CREB5: variants seen among roughly 807,000 people sequenced by gnomAD.
CREB5 encodes cyclic AMP-responsive element-binding protein 5.
In CREB5, 19 loss-of-function variants were observed where a neutral mutation model predicts 57.1. The ratio of observed to expected loss-of-function variants is 0.33; its 90% CI spans 0.23 to 0.49. The LOEUF (loss-of-function observed/expected upper bound fraction) is 0.49, where lower values mean the gene tolerates loss of function less well. CREB5 is among the 20% of genes least tolerant of loss of function. The pLI is 0.99. For missense variants in CREB5, 579 were observed against 671.6 expected (o/e 0.86, Z 1.52); for synonymous variants, 238 against 238.3 (o/e 1.00, Z 0.01).
At chr7:28,349,161 G>C (rs988268580) in intron 1 of CREB5, among the ~76,000 whole-genome samples, 1 of 152,138 alleles carries the variant, frequency 6.6e-6, no homozygotes, top group Non-Finnish European at 1.5e-5. Context: ...GGGTGGAGAG[G>C]AACGGTTTGA....
rs1483252159 is a variant in CREB5, at chr7:28,452,893, G to A, written c.4-35282G>A. ...ATCAAGGAGGGGTGGGACCAATGGG[G>A]AAAGCAGTACAGTGTTTCAGTATGC... On this transcript the variant is annotated intron_variant, in intron 1 of 10. Coordinates refer to ENST00000357727, the MANE Select transcript of CREB5 (RefSeq NM_182898.4). Among the ~76,000 whole-genome samples the A allele has an allele frequency of 2.6e-5, 4 of 152,330 alleles. No individual in the cohort carries two copies. The East Asian group carries it at 7.7e-4, about 29-fold the overall frequency.
intron 5 of CREB5, among the ~76,000 whole-genome samples, chr7:28,628,424 C>T (rs965189679): frequency 1.2e-4 from 18 of 152,284 alleles, no homozygotes; most frequent in African/African-American, 4.1e-4. Flanking sequence ...TAGCATCTGT[C>T]AGTCTACTTT....
At chr7:28,652,534 G>A (rs530207024) in intron 5 of CREB5, among the ~76,000 whole-genome samples, 2 of 152,284 alleles carry the variant, frequency 1.3e-5, no homozygotes, top group Admixed American at 6.5e-5. Flanking sequence ...GCCAGAGTGG[G>A]TCTGAATTCT....
chr7:28,739,277 G>A (rs1056997511), intron 7 of CREB5, among the ~76,000 whole-genome samples: 2 of 152,122 alleles, frequency 1.3e-5, no homozygotes, highest in Non-Finnish European at 2.9e-5. Context: ...CATTTCAAGC[G>A]CTCAATAACT....
chr7:28,772,590 CAAAGG>C (rs1348182068), intron 7 of CREB5, among the ~76,000 whole-genome samples: 2 of 152,128 alleles, frequency 1.3e-5, no homozygotes, highest in Non-Finnish European at 2.9e-5. Context: ...ACTGTTGTAA[CAAAGG>C]AAACACAGGA....
chr7:28,642,505 G>A (rs1428046537), intron 5 of CREB5, among the ~76,000 whole-genome samples: 3 of 152,164 alleles, frequency 2.0e-5, no homozygotes, highest in Non-Finnish European at 2.9e-5. Context: ...TTTAAAAATA[G>A]TTCAAGCTGA....
chr7:28,495,471 G>C (rs542393853), intron 3 of CREB5, among the ~76,000 whole-genome samples: 3 of 152,014 alleles, frequency 2.0e-5, no homozygotes, highest in Admixed American at 1.3e-4. Flanking sequence ...GGACCCGGGA[G>C]GGGGAGGTTG....
At chr7:28,378,987 C>T (rs1336613418) in intron 1 of CREB5, among the ~76,000 whole-genome samples, 1 of 152,158 alleles carries the variant, frequency 6.6e-6, no homozygotes, top group East Asian at 1.9e-4. Context: ...TGTGCTGGCT[C>T]CCAGTGATCA....
At chr7:28,640,414 G>A (rs770118429) in intron 5 of CREB5, among the ~76,000 whole-genome samples, 14 of 152,024 alleles carry the variant, frequency 9.2e-5, no homozygotes, top group East Asian at 1.9e-4. Context: ...AACCAACAAC[G>A]CAAAAATAAG....
intron 5 of CREB5, chr7:28,686,332 T>C (rs572470314): frequency 3.0e-6 from 2 of 669,980 alleles, no homozygotes; most frequent in East Asian, 2.7e-5. Context: ...TGCCCGTCTT[T>C]GTTTCTCCTC....
chr7:28,692,186 C>CAAAAA (rs60979497), intron 5 of CREB5, among the ~76,000 whole-genome samples: 1 of 145,530 alleles, frequency 6.9e-6, no homozygotes, highest in African/African-American at 2.5e-5. Flanking sequence ...ACTCCGTCTC[C>CAAAAA]AAAAAAAAAA....
intron 5 of CREB5, chr7:28,615,267 G>T (rs898493218): frequency 6.6e-6 from 1 of 152,268 alleles, no homozygotes; most frequent in Admixed American, 6.5e-5. Context: ...GGTGGCTGTG[G>T]TGAAATTGCC....
chr7:28,559,055 G>A (rs1041913033), intron 4 of CREB5, among the ~76,000 whole-genome samples: 1 of 152,176 alleles, frequency 6.6e-6, no homozygotes, highest in Non-Finnish European at 1.5e-5. Flanking sequence ...CTACACAGGT[G>A]TGAGAGCTTG....
At position 28,590,553 on chromosome 7, in the gene CREB5, A is replaced by C. The variant is rs1277012873; in HGVS notation, c.464+20016A>C. Among the ~76,000 whole-genome samples, 7 of 148,048 alleles carry C rather than the reference A, an allele frequency of 4.7e-5. No homozygotes were observed. The East Asian group carries it at 8.1e-4, about 17-fold the overall frequency. On this transcript the variant is annotated intron_variant, in intron 5 of 10. Transcript: ENST00000357727. Reference sequence around the variant, plus strand: ...TGGGGTGGGGGGAGGGGGGAGGGATAGCATTAGGAGATATACCTAATGTAA... The same window carrying C: ...TGGGGTGGGGGGAGGGGGGAGGGATCGCATTAGGAGATATACCTAATGTAA...
At chr7:28,342,759 G>A (rs918680384) in intron 1 of CREB5, among the ~76,000 whole-genome samples, 5 of 152,068 alleles carry the variant, frequency 3.3e-5, no homozygotes, top group African/African-American at 9.7e-5. Context: ...AATTTCAGTT[G>A]TCACTTTTTA....
At chr7:28,776,882 C>A (rs1215457248) in intron 7 of CREB5, among the ~76,000 whole-genome samples, 1 of 152,146 alleles carries the variant, frequency 6.6e-6, no homozygotes, top group African/African-American at 2.4e-5. Context: ...GTAATTCATC[C>A]CTTTTTACTG....
intron 5 of CREB5, among the ~76,000 whole-genome samples, chr7:28,644,157 AAGAAAGAAAG>A (rs1219172138): frequency 6.6e-6 from 1 of 151,936 alleles, no homozygotes; most frequent in Non-Finnish European, 1.5e-5. Context: ...AAGAAAAAGA[AAGAAAGAAAG>A]AGAAAGAAAG....
chr7:28,799,823 C>T (rs1416768502), intron 7 of CREB5, among the ~76,000 whole-genome samples: 1 of 152,192 alleles, frequency 6.6e-6, no homozygotes, highest in Non-Finnish European at 1.5e-5. Context: ...TTTTACAGCC[C>T]ATCTGCCTAC....
intron 1 of CREB5, among the ~76,000 whole-genome samples, chr7:28,322,492 A>G (rs573457493): frequency 6.6e-6 from 1 of 152,230 alleles, no homozygotes; most frequent in East Asian, 1.9e-4. Context: ...GATTTGTTAC[A>G]TAGGTACACA....
Sources: gnomAD v4.1 joint callset for allele counts (sites outside exome capture counted in the v4.1 genomes callset) on GRCh38, gnomAD v4.1.1 for gene constraint, MANE v1.5 for transcripts, NCBI Gene and HGNC (gene_info 2026-07-23, HGNC 2026-07-21) for gene names.